LRRC69: variants seen among roughly 807,000 people sequenced by gnomAD.
LRRC69 encodes the protein leucine rich repeat containing 69, also known as leucine-rich repeat-containing protein 69.
LRRC69 carries 42 observed loss-of-function variants against 37.8 expected under a neutral mutation model. The observed-to-expected ratio is 1.11, with a 90% CI of 0.87 to 1.44. The LOEUF (loss-of-function observed/expected upper bound fraction) is 1.44, where lower values mean the gene tolerates loss of function less well. LRRC69 is among the 40% of genes most tolerant of loss of function. The pLI, the probability that LRRC69 is intolerant of heterozygous loss-of-function variation, is 0.00. For synonymous variants in LRRC69, 141 were observed against 143.1 expected, an observed-to-expected ratio of 0.99 and a Z score of 0.11; for missense variants, 357 against 401.9, an observed-to-expected ratio of 0.89 and a Z score of 0.96.
In LRRC69 at chr8:91,160,195, TATAGA is replaced by T. The variant is rs996021599; in HGVS notation, c.651+24459_651+24463del. Among the ~76,000 whole-genome samples, 7 of 150,172 alleles carry T rather than the reference TATAGA, an allele frequency of 4.7e-5. No individual in the cohort carries two copies. The Admixed American group carries it at 4.7e-4, about 10-fold the overall frequency. On this transcript the variant is annotated intron_variant, in intron 5 of 7. Transcript: ENST00000448384. ...CTTGATGAATTATTTATTACTGGTTTATAGAATCACTACTGATTTTTGTTTGGTTG... is the reference window on the plus strand; with the variant it reads ...CTTGATGAATTATTTATTACTGGTTTATCACTACTGATTTTTGTTTGGTTG...
At chr8:91,198,034 A>G (rs1331678541) in intron 6 of LRRC69, among the ~76,000 whole-genome samples, 1 of 152,198 alleles carries the variant, frequency 6.6e-6, no homozygotes, top group African/African-American at 2.4e-5. Flanking sequence ...CTGGGCATTT[A>G]GTCAATGTTA....
intron 1 of LRRC69, among the ~76,000 whole-genome samples, chr8:91,117,300 A>C (rs1813527350): frequency 1.3e-5 from 2 of 152,050 alleles, no homozygotes; most frequent in Non-Finnish European, 2.9e-5. Flanking sequence ...GGCAGTAATG[A>C]GTACTAGGTT....
intron 3 of LRRC69, among the ~76,000 whole-genome samples, chr8:91,131,799 T>A (rs773161240): frequency 1.3e-5 from 2 of 152,016 alleles, no homozygotes; most frequent in African/African-American, 2.4e-5. Flanking sequence ...TTTGACCATC[T>A]CTTTAATTTT....
At chr8:91,203,497 A>G (rs1321181734) in intron 7 of LRRC69, among the ~76,000 whole-genome samples, 4 of 151,498 alleles carry the variant, frequency 2.6e-5, no homozygotes, top group Non-Finnish European at 5.9e-5. Flanking sequence ...TGTTCAAGCA[A>G]TTCTCCTGCC....
At chr8:91,176,604 G>C (rs1809234002) in intron 5 of LRRC69, among the ~76,000 whole-genome samples, 1 of 152,174 alleles carries the variant, frequency 6.6e-6, no homozygotes, top group South Asian at 2.1e-4. Context: ...ACAAGCTGAA[G>C]GCCCAGGAAA....
intron 5 of LRRC69, among the ~76,000 whole-genome samples, chr8:91,179,223 A>G (rs1809284272): frequency 6.6e-6 from 1 of 152,216 alleles, no homozygotes; most frequent in South Asian, 2.1e-4. Flanking sequence ...AGCAGGTTGT[A>G]CAGGAAGCAT....
At chr8:91,133,005 T>C in intron 3 of LRRC69, 105 bp from the exon 4 acceptor site, 2 of 641,460 alleles carry the variant, frequency 3.1e-6, no homozygotes, top group Admixed American at 3.7e-5. Flanking sequence ...TCAGAAGAGC[T>C]ACAAAAAATA....
intron 5 of LRRC69, among the ~76,000 whole-genome samples, chr8:91,156,787 G>C (rs1808843649): frequency 6.6e-6 from 1 of 150,890 alleles, no homozygotes; most frequent in South Asian, 2.1e-4. Flanking sequence ...ATCTTGAGTT[G>C]ATTTTTGTTT....
chr8:91,209,826 A>G (rs1360719653), intron 7 of LRRC69, among the ~76,000 whole-genome samples: 1 of 152,158 alleles, frequency 6.6e-6, no homozygotes, highest in African/African-American at 2.4e-5. Context: ...GAGATATGAA[A>G]GGTTTTAAAC....
chr8:91,193,836 T>C (rs1809545599), intron 6 of LRRC69, among the ~76,000 whole-genome samples: 1 of 135,088 alleles, frequency 7.4e-6, no homozygotes, highest in African/African-American at 2.8e-5. Flanking sequence ...TGAATACCCT[T>C]TATTTCCTTC....
chr8:91,152,894 A>G (rs1033323963), intron 5 of LRRC69, among the ~76,000 whole-genome samples: 1 of 151,340 alleles, frequency 6.6e-6, no homozygotes, highest in Admixed American at 6.6e-5. Flanking sequence ...CTTAAAAGTA[A>G]ATGGGCTAAA....
At chr8:91,150,157 T>C (rs1008962792) in intron 5 of LRRC69, among the ~76,000 whole-genome samples, 1 of 152,056 alleles carries the variant, frequency 6.6e-6, no homozygotes, top group Non-Finnish European at 1.5e-5. Context: ...ATCCCTGTCT[T>C]GTGCCAATTT....
chr8:91,130,477 G>A (rs10105147), intron 3 of LRRC69: 102,652 of 151,450 alleles, frequency 0.68, 35,345 homozygotes, highest in Middle Eastern at 0.75. Context: ...GTTTCGCCAT[G>A]TCTGCCAGGC....
chr8:91,143,209 T>C (rs1049320736), intron 5 of LRRC69, among the ~76,000 whole-genome samples: 6 of 152,026 alleles, frequency 3.9e-5, no homozygotes, highest in South Asian at 4.1e-4. Context: ...TTGGAGAAAT[T>C]TGGGGAAGGC....
intron 5 of LRRC69, among the ~76,000 whole-genome samples, chr8:91,169,920 T>G (rs1484555786): frequency 1.1e-4 from 13 of 115,622 alleles, no homozygotes; most frequent in Non-Finnish European, 1.8e-4. Flanking sequence ...ATCCAGTCTA[T>G]CATTGTTGGA....
intron 5 of LRRC69, among the ~76,000 whole-genome samples, chr8:91,164,648 C>G (rs1430457762): frequency 1.3e-5 from 2 of 151,700 alleles, no homozygotes; most frequent in African/African-American, 4.8e-5. Context: ...GTGCTAAACA[C>G]TTTAAATAGT....
intron 5 of LRRC69, among the ~76,000 whole-genome samples, chr8:91,173,933 G>GAA (rs796938761): frequency 7.5e-6 from 1 of 132,454 alleles, no homozygotes; most frequent in Admixed American, 7.5e-5. Context: ...TAGCAATAAT[G>GAA]AAAAAAAAAG....
rs534293757 is a variant in LRRC69, at chr8:91,112,401, A to T, written c.183+9557A>T. ...GATAGAAGGAAAAGAGATCAGCAGC[A>T]CTGCAGCACCTTTTACTGCCAAGGA... On this transcript the variant is annotated intron_variant, in intron 1 of 7. Coordinates refer to ENST00000448384, the Ensembl canonical transcript of LRRC69. 1.1e-3 allele frequency among the ~76,000 whole-genome samples: 170 copies of T among 152,188 alleles called. 1 individual carries two copies. The highest frequency in any genetic ancestry group is 4.0e-3 in the African/African-American group (168 of 41,588).
intron 6 of LRRC69, among the ~76,000 whole-genome samples, chr8:91,197,986 C>T (rs1809646775): frequency 6.6e-6 from 1 of 152,122 alleles, no homozygotes; most frequent in Non-Finnish European, 1.5e-5. Flanking sequence ...AGAAAAGTGA[C>T]TTAAATTGAT....
Sources: gnomAD v4.1 joint callset for allele counts (sites outside exome capture counted in the v4.1 genomes callset) on GRCh38, gnomAD v4.1.1 for gene constraint, MANE v1.5 for transcripts, NCBI Gene and HGNC (gene_info 2026-07-23, HGNC 2026-07-21) for gene names.